The following PCDH17 variants were observed in gnomAD, a reference collection of about 807,000 sequenced individuals.
PCDH17 encodes protocadherin-17.
A neutral mutation model predicts 67.7 loss-of-function variants in PCDH17; 21 were observed. That is an observed-to-expected ratio of 0.31 (90% CI 0.22 to 0.45). PCDH17 has a LOEUF of 0.45. PCDH17 is among the 20% of genes least tolerant of loss of function. PCDH17 has a pLI of 1.00. For missense variants in PCDH17, 1,471 were observed against 1,564.8 expected (o/e 0.94, Z 1.01); for synonymous variants, 701 against 656.7 (o/e 1.07, Z -1.03).
rs544627057 is a variant in PCDH17, at chr13:57,726,548, A to G, written c.*1254A>G. The G allele has an allele frequency of 2.6e-5, 4 of 152,662 alleles. No homozygotes were observed. In the South Asian group the frequency reaches 8.3e-4, roughly 32 times the overall value. The allele number at this position is 152,662 out of a possible 1,614,324, so 9.5% of individuals were successfully genotyped here. ...GCCTCAGAGCAAAGTCTCTTGTTTA[A>G]TGTATAGTCTACCAAGTACTACAGT... is the stretch of plus-strand genomic sequence containing the variant. On this transcript the variant is annotated 3_prime_UTR_variant, in exon 4 of 4. Coordinates refer to ENST00000377918, the MANE Select transcript of PCDH17 (RefSeq NM_001040429.3).
intron 3 of PCDH17, among the ~76,000 whole-genome samples, chr13:57,694,240 T>G (rs561951691): frequency 1.1e-3 from 170 of 151,358 alleles, no homozygotes; most frequent in African/African-American, 4.0e-3. Flanking sequence ...AAATGCCCAA[T>G]GGACCTGAGT....
At chr13:57,669,002 C>T (rs1214561819) in intron 3 of PCDH17, among the ~76,000 whole-genome samples, 1 of 151,990 alleles carries the variant, frequency 6.6e-6, no homozygotes, top group Non-Finnish European at 1.5e-5. Context: ...TCCCCCCACC[C>T]CACAACAGGC....
intron 1 of PCDH17, among the ~76,000 whole-genome samples, chr13:57,651,665 A>AAC (rs1294783954): frequency 1.3e-5 from 2 of 151,964 alleles, no homozygotes; most frequent in Non-Finnish European, 2.9e-5. Flanking sequence ...CTGACTTAAA[A>AAC]ATATATATAT....
chr13:57,705,792 G>C (rs534611183), intron 3 of PCDH17, among the ~76,000 whole-genome samples: 2 of 152,026 alleles, frequency 1.3e-5, no homozygotes, highest in Non-Finnish European at 2.9e-5. Context: ...GAGGCGGGTG[G>C]ATCACCTGAG....
intron 3 of PCDH17, among the ~76,000 whole-genome samples, chr13:57,698,927 A>G (rs73207463): frequency 0.063 from 9,635 of 152,054 alleles, 341 homozygotes; most frequent in Middle Eastern, 0.099. Context: ...AAGGAAAAGG[A>G]GAAAAAAAAC....
intron 1 of PCDH17, among the ~76,000 whole-genome samples, chr13:57,656,974 C>A (rs569546498): frequency 1.3e-5 from 2 of 152,074 alleles, no homozygotes; most frequent in Non-Finnish European, 2.9e-5. Context: ...CTATTTTATG[C>A]GCTTTCATAG....
At chr13:57,647,537 T>G (rs1017595134) in intron 1 of PCDH17, among the ~76,000 whole-genome samples, 3 of 151,774 alleles carry the variant, frequency 2.0e-5, no homozygotes, top group African/African-American at 7.2e-5. Flanking sequence ...TATGCACATT[T>G]GGGCCTGGCC....
At chr13:57,639,521 T>C (rs1954864847) in intron 1 of PCDH17, among the ~76,000 whole-genome samples, 1 of 151,902 alleles carries the variant, frequency 6.6e-6, no homozygotes, top group South Asian at 2.1e-4. Context: ...TTTTTAATAT[T>C]AACTAATATA....
chr13:57,717,296 G>A (rs1487616705), intron 3 of PCDH17, among the ~76,000 whole-genome samples: 1 of 151,904 alleles, frequency 6.6e-6, no homozygotes, highest in Non-Finnish European at 1.5e-5. Flanking sequence ...CCAATGCATG[G>A]TTTACATTCT....
intron 1 of PCDH17, among the ~76,000 whole-genome samples, chr13:57,663,007 T>A (rs1027312847): frequency 1.3e-5 from 2 of 152,074 alleles, no homozygotes; most frequent in Non-Finnish European, 2.9e-5. Context: ...TTCACATCTG[T>A]TTTGTTATGA....
intron 1 of PCDH17, among the ~76,000 whole-genome samples, chr13:57,650,184 G>A (rs1955017322): frequency 6.6e-6 from 1 of 150,504 alleles, no homozygotes; most frequent in African/African-American, 2.5e-5. Context: ...AAGCCCAGAT[G>A]AGATGTAAAT....
At chr13:57,646,657 G>A (rs1169534706) in intron 1 of PCDH17, among the ~76,000 whole-genome samples, 1 of 151,708 alleles carries the variant, frequency 6.6e-6, no homozygotes, top group East Asian at 1.9e-4. Context: ...AAGAAGCATA[G>A]AAATGTAATT....
intron 1 of PCDH17, among the ~76,000 whole-genome samples, chr13:57,647,071 C>T (rs910272415): frequency 1.7e-4 from 26 of 151,850 alleles, no homozygotes; most frequent in Admixed American, 1.1e-3. Flanking sequence ...CTTAAACTAT[C>T]GTACATGCTT....
In PCDH17 at chr13:57,634,048, T is replaced by A; in HGVS notation, c.1502T>A (p.Leu501Gln). The A allele has an allele frequency of 6.2e-7, 1 of 1,613,400 alleles. No homozygotes were observed. Among genetic ancestry groups the A allele is most frequent in the Non-Finnish European group, 8.5e-7 (1 of 1,180,010 alleles). Residue 501 changes from leucine (L) to glutamine (Q), a missense_variant, in exon 1 of 4, where the codon CTG becomes CAG. Physicochemically the swap from Leu to Gln is moderately radical, Grantham distance 113. Coordinates refer to ENST00000377918, the MANE Select transcript of PCDH17 (RefSeq NM_001040429.3). This position sits in a 1 kb window ranked among gnomAD's most constrained non-coding sequence, Gnocchi z 7.8. ...TCTGTGCTCGCCCAGGATCCCGACC[T>A]GGGCCAGAACGGCACCGTATCCTAC... The part of the protein sequence containing the change: ...LGSVLAQDPD[L>Q]GQNGTVSYSI...
At chr13:57,652,375 C>G (rs981654027) in intron 1 of PCDH17, among the ~76,000 whole-genome samples, 1 of 151,582 alleles carries the variant, frequency 6.6e-6, no homozygotes, top group Non-Finnish European at 1.5e-5. Flanking sequence ...CATTTTGCAC[C>G]CTCTAAACCA....
chr13:57,653,061 T>C (rs914860967), intron 1 of PCDH17, among the ~76,000 whole-genome samples: 1 of 152,152 alleles, frequency 6.6e-6, no homozygotes, highest in African/African-American at 2.4e-5. Flanking sequence ...TCTAGCTTTG[T>C]CTTGTGTAGT....
chr13:57,694,182 G>T (rs1470247364), intron 3 of PCDH17, among the ~76,000 whole-genome samples: 12 of 151,144 alleles, frequency 7.9e-5, no homozygotes, highest in Non-Finnish European at 1.8e-4. Flanking sequence ...CAGTCCAAGT[G>T]TATGGGTTTA....
chr13:57,716,038 G>A (rs1011331905), intron 3 of PCDH17, among the ~76,000 whole-genome samples: 6 of 151,900 alleles, frequency 3.9e-5, no homozygotes, highest in African/African-American at 1.4e-4. Context: ...GAGTCTGGGG[G>A]CTGGAATGCC....
chr13:57,692,568 T>A (rs1421791297), intron 3 of PCDH17, among the ~76,000 whole-genome samples: 1 of 151,308 alleles, frequency 6.6e-6, no homozygotes, highest in Non-Finnish European at 1.5e-5. Flanking sequence ...AAATGCTATA[T>A]GTATTTCATA....
Sources: allele counts gnomAD v4.1 joint callset (sites outside exome capture counted in the v4.1 genomes callset), GRCh38; gene constraint gnomAD v4.1.1; non-coding constraint Gnocchi (gnomAD v3.1); transcripts MANE v1.5; gene names NCBI Gene and HGNC (gene_info 2026-07-23, HGNC 2026-07-21).